NCKAP5: variants seen among roughly 807,000 people sequenced by gnomAD.
The protein encoded by NCKAP5 is nck-associated protein 5.
A neutral mutation model predicts 167.0 loss-of-function variants in NCKAP5; 92 were observed. That is an observed-to-expected ratio of 0.55 (90% CI 0.47 to 0.66). The LOEUF (loss-of-function observed/expected upper bound fraction) is 0.66, where lower values mean the gene tolerates loss of function less well. NCKAP5 is among the 30% of genes least tolerant of loss of function. The pLI is 0.00. For synonymous variants in NCKAP5, 891 were observed against 877.4 expected (o/e 1.02, Z -0.27); for missense variants, 2,378 against 2,315.0 (o/e 1.03, Z -0.56).
chr2:133,121,954 C>T (rs2082263908), intron 6 of NCKAP5: 1 of 152,152 alleles, frequency 6.6e-6, no homozygotes, highest in Non-Finnish European at 1.5e-5. Flanking sequence ...AAAAGAATCA[C>T]ACAAAGTCAA....
intron 5 of NCKAP5, among the ~76,000 whole-genome samples, chr2:133,199,374 G>A (rs1340577737): frequency 6.6e-6 from 1 of 151,898 alleles, no homozygotes; most frequent in Non-Finnish European, 1.5e-5. Context: ...AATATGTAAA[G>A]AACTCATACC....
chr2:132,989,591 T>G (rs2077392844), intron 7 of NCKAP5, among the ~76,000 whole-genome samples: 1 of 152,196 alleles, frequency 6.6e-6, no homozygotes, highest in Admixed American at 6.5e-5. Context: ...GCTTGTCACT[T>G]CCTCAGGGGG....
At chr2:133,440,222 T>C (rs1690747328) in intron 3 of NCKAP5, among the ~76,000 whole-genome samples, 1 of 152,218 alleles carries the variant, frequency 6.6e-6, no homozygotes, top group South Asian at 2.1e-4. Flanking sequence ...AAGATAAATC[T>C]GAAATTAGTA....
intron 5 of NCKAP5, among the ~76,000 whole-genome samples, chr2:133,192,605 C>G (rs2085275364): frequency 6.6e-6 from 1 of 151,484 alleles, no homozygotes; most frequent in Admixed American, 6.6e-5. Context: ...CATGTAGAGA[C>G]ATTTCAAAGA....
At chr2:133,230,298 AC>A (rs2087085110) in intron 4 of NCKAP5, among the ~76,000 whole-genome samples, 1 of 152,074 alleles carries the variant, frequency 6.6e-6, no homozygotes, top group African/African-American at 2.4e-5. Context: ...TATTACCATA[AC>A]ATAACCTCCT....
At chr2:133,037,449 A>C (rs1428451851) in intron 6 of NCKAP5, among the ~76,000 whole-genome samples, 1 of 152,204 alleles carries the variant, frequency 6.6e-6, no homozygotes, top group African/African-American at 2.4e-5. Context: ...AAAAACAGAC[A>C]CATAGACCAA....
intron 5 of NCKAP5, among the ~76,000 whole-genome samples, chr2:133,134,145 T>G (rs1292786186): frequency 6.6e-6 from 1 of 152,186 alleles, no homozygotes; most frequent in African/African-American, 2.4e-5. Flanking sequence ...CAGACCTCAG[T>G]CCACTGTGTG....
intron 3 of NCKAP5, among the ~76,000 whole-genome samples, chr2:133,341,300 G>C (rs1023290938): frequency 2.4e-5 from 2 of 82,386 alleles, no homozygotes; most frequent in East Asian, 3.3e-4. Context: ...TTTTTTTTTT[G>C]TACCCACACA....
At chr2:133,572,634 T>C (rs995761874), upstream of NCKAP5, among the ~76,000 whole-genome samples, 1 of 152,320 alleles carries the variant, frequency 6.6e-6, no homozygotes, top group East Asian at 1.9e-4. Flanking sequence ...AGTACCTGTG[T>C]CTTCTCCTGG....
At chr2:133,126,235 G>A (rs1422814353) in intron 6 of NCKAP5, among the ~76,000 whole-genome samples, 1 of 152,204 alleles carries the variant, frequency 6.6e-6, no homozygotes, top group Non-Finnish European at 1.5e-5. Context: ...TACTGAAGCT[G>A]AGACTGGGAA....
intron 4 of NCKAP5, among the ~76,000 whole-genome samples, chr2:133,269,675 C>T (rs1391828006): frequency 6.6e-6 from 1 of 152,184 alleles, no homozygotes; most frequent in East Asian, 1.9e-4. Flanking sequence ...CTCCAAATGA[C>T]AGCGGAGGAC....
intron 6 of NCKAP5, among the ~76,000 whole-genome samples, chr2:133,107,506 G>A (rs1474244055): frequency 6.6e-6 from 1 of 152,126 alleles, no homozygotes; most frequent in African/African-American, 2.4e-5. Context: ...AAATCCATAT[G>A]TTCTTTTGCT....
chr2:133,033,622 A>G (rs1166963707), intron 6 of NCKAP5, among the ~76,000 whole-genome samples: 1 of 152,198 alleles, frequency 6.6e-6, no homozygotes, highest in Non-Finnish European at 1.5e-5. Context: ...GATAACACAT[A>G]TAAGCAATTC....
chr2:132,881,415 T>C (rs999695618), intron 8 of NCKAP5, among the ~76,000 whole-genome samples: 8 of 152,162 alleles, frequency 5.3e-5, no homozygotes, highest in African/African-American at 1.4e-4. Context: ...TCTCAGGTGA[T>C]CTGCCCGCCT....
intron 2 of NCKAP5, among the ~76,000 whole-genome samples, chr2:133,523,300 TCACACACA>T (rs57259165): frequency 6.9e-6 from 1 of 145,720 alleles, no homozygotes; most frequent in African/African-American, 2.5e-5. Flanking sequence ...ATACACACAG[TCACACACA>T]CACACACACA....
intron 5 of NCKAP5, among the ~76,000 whole-genome samples, chr2:133,207,318 G>A (rs1212994974): frequency 6.6e-6 from 1 of 151,960 alleles, no homozygotes; most frequent in African/African-American, 2.4e-5. Context: ...GGACCTACAG[G>A]GCTCTTTTGG....
intron 16 of NCKAP5, among the ~76,000 whole-genome samples, chr2:132,771,839 ATTTTTTTTT>A (rs70973406): frequency 6.9e-5 from 7 of 100,804 alleles, no homozygotes; most frequent in South Asian, 3.5e-4. Flanking sequence ...CGCCCGGCTA[ATTTTTTTTT>A]TTTTTTTTTT....
the NCKAP5 span, among the ~76,000 whole-genome samples, chr2:133,598,673 G>A: frequency 6.6e-6 from 1 of 152,168 alleles, no homozygotes; most frequent in Non-Finnish European, 1.5e-5. Context: ...AAGAGATGGG[G>A]AGTCCCAAAA....
chr2:132,779,387 C>T (rs2105002855), intron 15 of NCKAP5, among the ~76,000 whole-genome samples: 1 of 152,262 alleles, frequency 6.6e-6, no homozygotes. Flanking sequence ...ATAAGGGGCT[C>T]TGCCAGGCTA....
Sources: gnomAD v4.1 joint callset for allele counts (sites outside exome capture counted in the v4.1 genomes callset) on GRCh38, gnomAD v4.1.1 for gene constraint, MANE v1.5 for transcripts, NCBI Gene and HGNC (gene_info 2026-07-23, HGNC 2026-07-21) for gene names.